The following ITPK1 variants were observed in gnomAD, a reference collection of about 807,000 sequenced individuals.
ITPK1 encodes inositol 1,3,4-trisphosphate 5/6-kinase.
In ITPK1, 21 loss-of-function variants were observed where a neutral mutation model predicts 45.3. The observed-to-expected ratio is 0.46, with a 90% confidence interval of 0.33 to 0.67. ITPK1 has a LOEUF of 0.67. ITPK1 is among the 30% of genes least tolerant of loss of function. ITPK1 has a pLI of 0.02. For synonymous variants in ITPK1, 258 were observed against 253.6 expected (o/e 1.02, Z -0.16); for missense variants, 474 against 573.5 (o/e 0.83, Z 1.77).
chr14:93,065,968 C>T (rs1890725908), intron 3 of ITPK1, among the ~76,000 whole-genome samples: 1 of 152,162 alleles, frequency 6.6e-6, no homozygotes, highest in East Asian at 1.9e-4. Context: ...CCTGAATGCA[C>T]ATCATATAGA....
chr14:92,950,008 C>T (rs1036697636), intron 9 of ITPK1, among the ~76,000 whole-genome samples: 6 of 152,332 alleles, frequency 3.9e-5, no homozygotes, highest in African/African-American at 1.4e-4. Context: ...CAGGAACTCC[C>T]TGGACTCCGG....
chr14:92,981,474 G>A (rs761906324), intron 5 of ITPK1, among the ~76,000 whole-genome samples: 57 of 152,014 alleles, frequency 3.7e-4, no homozygotes, highest in Non-Finnish European at 4.3e-4. Flanking sequence ...TACCACCTCC[G>A]CGAGAGCCCC....
chr14:92,941,495 G>A lies in ITPK1; in HGVS notation c.*66C>T, dbSNP rs1459604284. ...GATTCTTAGTAGTAGCATCGCCGTT[G>A]GGAGCTGCTGGCCCAGCGGGTGTGC... On this transcript the variant is annotated 3_prime_UTR_variant, in exon 11 of 11. Coordinates refer to ENST00000267615, the MANE Select transcript of ITPK1 (RefSeq NM_014216.6). 2 of 1,452,880 alleles carry A rather than the reference G, an allele frequency of 1.4e-6. No homozygotes were observed. The highest frequency in any genetic ancestry group is 1.5e-5 in the African/African-American group (1 of 67,508). The allele number at this position is 1,452,880 out of a possible 1,614,324, so 90.0% of individuals were successfully genotyped here.
At chr14:92,963,351 C>T (rs1256632771) in intron 5 of ITPK1, among the ~76,000 whole-genome samples, 2 of 152,172 alleles carry the variant, frequency 1.3e-5, no homozygotes, top group Non-Finnish European at 2.9e-5. Context: ...AGGGCTTTGC[C>T]GGCATCACCT....
rs3742710 is a variant in ITPK1, at chr14:93,090,771, T to C, written c.96-14152A>G. On this transcript the variant is annotated intron_variant, in intron 2 of 10. Transcript: ENST00000267615. Reference sequence around the variant, plus strand: ...TACCTGGGCCAAGAAATGTATTTTTTTTTTCTTTTTGCTTAAACTCATCTG... The same window carrying C: ...TACCTGGGCCAAGAAATGTATTTTTCTTTTCTTTTTGCTTAAACTCATCTG... Among the ~76,000 whole-genome samples, 4 of 152,322 alleles carry C rather than the reference T, an allele frequency of 2.6e-5. No homozygotes were observed. The East Asian group carries it at 7.7e-4, about 29-fold the overall frequency.
intron 5 of ITPK1, among the ~76,000 whole-genome samples, chr14:92,990,594 T>C (rs1318492413): frequency 6.6e-6 from 1 of 152,236 alleles, no homozygotes; most frequent in Non-Finnish European, 1.5e-5. Context: ...CTCCAGGCTC[T>C]GAATGAGACA....
At chr14:92,945,540 C>A (rs562498354) in intron 10 of ITPK1, among the ~76,000 whole-genome samples, 36 of 152,358 alleles carry the variant, frequency 2.4e-4, no homozygotes, top group African/African-American at 7.5e-4. Context: ...GAACGGGGGA[C>A]CCCCATCTGG....
intron 2 of ITPK1, among the ~76,000 whole-genome samples, chr14:93,094,097 G>A (rs114310498): frequency 0.065 from 9,931 of 152,282 alleles, 1,065 homozygotes; most frequent in African/African-American, 0.22. Flanking sequence ...TTACACCTGG[G>A]TGGTCTAGCA....
At chr14:92,966,074 G>T (rs1482782542) in intron 5 of ITPK1, among the ~76,000 whole-genome samples, 1 of 152,224 alleles carries the variant, frequency 6.6e-6, no homozygotes, top group South Asian at 2.1e-4. Flanking sequence ...AGAGTGCAGT[G>T]GCACGATCAC....
At chr14:92,962,214 G>C in intron 7 of ITPK1, 141 bp downstream of exon 7, 1 of 724,928 alleles carries the variant, frequency 1.4e-6, no homozygotes, top group Non-Finnish European at 2.5e-6. Flanking sequence ...CCAGGGAAGG[G>C]AAGGAGGCTA....
chr14:92,990,723 G>C (rs1886737391), intron 5 of ITPK1, among the ~76,000 whole-genome samples: 1 of 152,178 alleles, frequency 6.6e-6, no homozygotes, highest in Non-Finnish European at 1.5e-5. Context: ...TGCAGAGCTG[G>C]GGTGGGAGAG....
chr14:92,943,225 A>C (rs924713522), intron 10 of ITPK1, among the ~76,000 whole-genome samples: 1 of 152,172 alleles, frequency 6.6e-6, no homozygotes, highest in African/African-American at 2.4e-5. Flanking sequence ...ATGACCGTTA[A>C]CCACCACGGG....
intron 2 of ITPK1, among the ~76,000 whole-genome samples, chr14:93,114,736 C>G (rs1163052029): frequency 6.6e-6 from 1 of 152,214 alleles, no homozygotes; most frequent in Non-Finnish European, 1.5e-5. Context: ...CCTTACCCCA[C>G]AGCGTGGATG....
intron 10 of ITPK1, among the ~76,000 whole-genome samples, chr14:92,942,649 C>T (rs1887489707): frequency 6.6e-6 from 1 of 152,242 alleles, no homozygotes; most frequent in South Asian, 2.1e-4. Flanking sequence ...CGCAGCATCA[C>T]ATGCTCCCCT....
At chr14:92,984,195 G>A (rs1017015189) in intron 5 of ITPK1, among the ~76,000 whole-genome samples, 2 of 152,154 alleles carry the variant, frequency 1.3e-5, no homozygotes, top group African/African-American at 4.8e-5. Flanking sequence ...AAACAGATTC[G>A]AGAAGCACCA....
At chr14:92,952,530 C>G (rs188250746) in intron 8 of ITPK1, among the ~76,000 whole-genome samples, 1 of 152,068 alleles carries the variant, frequency 6.6e-6, no homozygotes, top group African/African-American at 2.4e-5. Context: ...TGGTTCTTAG[C>G]GACTTAGGGA....
At chr14:93,004,994 A>G (rs1887541606) in intron 4 of ITPK1, among the ~76,000 whole-genome samples, 1 of 152,124 alleles carries the variant, frequency 6.6e-6, no homozygotes, top group Admixed American at 6.5e-5. Context: ...ATGAAAAGTG[A>G]GGACAAGGTA....
intron 5 of ITPK1, among the ~76,000 whole-genome samples, chr14:92,981,006 C>A (rs545707981): frequency 6.6e-6 from 1 of 152,348 alleles, no homozygotes; most frequent in African/African-American, 2.4e-5. Context: ...CCGCACCCGG[C>A]CTCTCTTGTA....
At position 93,101,679 on chromosome 14, in the gene ITPK1, T is replaced by C. The variant is rs575016365; in HGVS notation, c.95+13390A>G. 1.4e-3 allele frequency among the ~76,000 whole-genome samples: 208 copies of C among 152,172 alleles called. 1 individual carries two copies. Among genetic ancestry groups the C allele is most frequent in the African/African-American group, 4.8e-3 (199 of 41,518 alleles). On this transcript the variant is annotated intron_variant, in intron 2 of 10. Coordinates refer to ENST00000267615, the MANE Select transcript of ITPK1 (RefSeq NM_014216.6). ...GCCTGGCCAATGTGGCAAAACCCCATCTCTACTAAAAATACAAAAAATTAG... is the reference window on the plus strand; with the variant it reads ...GCCTGGCCAATGTGGCAAAACCCCACCTCTACTAAAAATACAAAAAATTAG...
Sources: allele counts gnomAD v4.1 joint callset (sites outside exome capture counted in the v4.1 genomes callset), GRCh38; gene constraint gnomAD v4.1.1; transcripts MANE v1.5; gene names NCBI Gene and HGNC (gene_info 2026-07-23, HGNC 2026-07-21).